CCDC148: variants seen among roughly 807,000 people sequenced by gnomAD.
CCDC148 encodes the protein coiled-coil domain-containing protein 148.
In CCDC148, 89 loss-of-function variants were observed where a neutral mutation model predicts 85.7. The observed-to-expected ratio is 1.04, with a 90% confidence interval of 0.87 to 1.24. The LOEUF is 1.24. Ranked by LOEUF, CCDC148 falls within the 50% of genes most tolerant of loss-of-function variation. The pLI, the probability that CCDC148 is intolerant of heterozygous loss-of-function variation, is 0.00. For synonymous variants in CCDC148, 230 were observed against 213.9 expected, an observed-to-expected ratio of 1.08 and a Z score of -0.66; for missense variants, 692 against 671.7, an observed-to-expected ratio of 1.03 and a Z score of -0.33.
At chr2:158,388,636 T>A (rs113304314) in intron 1 of CCDC148, among the ~76,000 whole-genome samples, 5 of 151,888 alleles carry the variant, frequency 3.3e-5, no homozygotes, top group Admixed American at 2.0e-4. Flanking sequence ...CTGGGACTAC[T>A]GGTGCCCGCC....
intron 1 of CCDC148, among the ~76,000 whole-genome samples, chr2:158,436,066 A>G (rs138556191): frequency 0.075 from 11,348 of 152,266 alleles, 570 homozygotes; most frequent in Middle Eastern, 0.11. Flanking sequence ...CAGACAGATC[A>G]ATGAGACAGA....
intron 3 of CCDC148, among the ~76,000 whole-genome samples, chr2:158,342,826 G>A (rs530451186): frequency 1.3e-5 from 2 of 152,252 alleles, no homozygotes; most frequent in East Asian, 1.9e-4. Context: ...AGAATGAAAC[G>A]AGGGAGAAAG....
chr2:158,270,492 T>C (rs1044351639), intron 9 of CCDC148, among the ~76,000 whole-genome samples: 2 of 152,192 alleles, frequency 1.3e-5, no homozygotes, highest in African/African-American at 4.8e-5. Flanking sequence ...ATTAAAGCTA[T>C]ACTCAAGTGA....
intron 2 of CCDC148, among the ~76,000 whole-genome samples, chr2:158,353,486 T>C (rs547912119): frequency 6.6e-6 from 1 of 151,146 alleles, no homozygotes; most frequent in East Asian, 1.9e-4. Context: ...AAGAAGGCCA[T>C]TACATAATGG....
intron 9 of CCDC148, among the ~76,000 whole-genome samples, chr2:158,265,599 A>G (rs1278572458): frequency 1.3e-5 from 2 of 152,176 alleles, no homozygotes; most frequent in Non-Finnish European, 2.9e-5. Context: ...GTCGGAATCA[A>G]TAACACCAAT....
chr2:158,339,909 G>A (rs1682588800), intron 5 of CCDC148, among the ~76,000 whole-genome samples: 1 of 152,158 alleles, frequency 6.6e-6, no homozygotes, highest in South Asian at 2.1e-4. Flanking sequence ...ACTCACAGGA[G>A]CCCCTAGGGA....
chr2:158,367,761 G>A (rs1684265786), intron 1 of CCDC148, among the ~76,000 whole-genome samples: 1 of 152,092 alleles, frequency 6.6e-6, no homozygotes, highest in Non-Finnish European at 1.5e-5. Flanking sequence ...TTCCTGACCT[G>A]CATACTTTAA....
intron 1 of CCDC148, 57 bp from the exon 2 acceptor site, chr2:158,358,627 CA>C (rs1683783221): frequency 1.6e-6 from 2 of 1,272,436 alleles, no homozygotes; most frequent in Non-Finnish European, 2.1e-6. Flanking sequence ...TATTGGAAGT[CA>C]AAATATAATT....
intron 11 of CCDC148, among the ~76,000 whole-genome samples, chr2:158,195,445 A>G (rs78075650): frequency 2.0e-3 from 304 of 152,112 alleles, no homozygotes; most frequent in Non-Finnish European, 2.3e-3. Context: ...TTTACCCCCA[A>G]GTAATTTTGT....
intron 1 of CCDC148, chr2:158,425,303 C>G (rs2105327505): frequency 1.9e-6 from 1 of 533,514 alleles, no homozygotes. Flanking sequence ...ACCAGCCATA[C>G]TAAAGGAGGA....
chr2:158,407,342 G>A (rs1201255506), intron 1 of CCDC148, among the ~76,000 whole-genome samples: 1 of 151,940 alleles, frequency 6.6e-6, no homozygotes, highest in Non-Finnish European at 1.5e-5. Context: ...CTTCCCCCAG[G>A]CATCTTCCTT....
chr2:158,371,096 A>G (rs143790722), intron 1 of CCDC148, among the ~76,000 whole-genome samples: 1 of 152,078 alleles, frequency 6.6e-6, no homozygotes, highest in Admixed American at 6.6e-5. Flanking sequence ...CTATTTTACT[A>G]TATTCTGGGA....
intron 9 of CCDC148, among the ~76,000 whole-genome samples, chr2:158,252,296 C>T (rs887330576): frequency 3.3e-5 from 5 of 151,682 alleles, no homozygotes; most frequent in African/African-American, 1.2e-4. Flanking sequence ...GAAATTTCTA[C>T]TCCCGTTTTT....
chr2:158,306,961 G>T (rs913316996), intron 9 of CCDC148, among the ~76,000 whole-genome samples: 2 of 150,366 alleles, frequency 1.3e-5, no homozygotes, highest in African/African-American at 4.9e-5. Context: ...GCAGCTTGCA[G>T]TGAGCTGAGA....
Position 158,217,336 on chromosome 2 carries a change from G to GTGTGTATATA in CCDC148, c.1370+3258_1370+3259insTATATACACA, listed in dbSNP as rs59724353. Among the ~76,000 whole-genome samples, 45 of 137,684 alleles carry GTGTGTATATA rather than the reference G, an allele frequency of 3.3e-4. No individual in the cohort carries two copies. The East Asian group carries it at 8.4e-3, about 26-fold the overall frequency. 90.3% of individuals were successfully genotyped at this position (137,684 alleles called of 152,430 possible). On this transcript the variant is annotated intron_variant, in intron 11 of 13. Transcript: ENST00000283233. ...TATATATATATATATATAATTTTGTGTATATATATATATATATATAAAATT... is the reference window on the plus strand; with the variant it reads ...TATATATATATATATATAATTTTGTGTGTGTATATATATATATATATATATATATAAAATT...
At chr2:158,403,637 T>C (rs574382215) in intron 1 of CCDC148, among the ~76,000 whole-genome samples, 18 of 151,994 alleles carry the variant, frequency 1.2e-4, no homozygotes, top group Middle Eastern at 3.4e-3. Context: ...TGGCATTTAG[T>C]ACAAAATTTA....
intron 11 of CCDC148, among the ~76,000 whole-genome samples, chr2:158,202,933 C>G (rs1438680236): frequency 6.6e-6 from 1 of 152,168 alleles, no homozygotes; most frequent in Non-Finnish European, 1.5e-5. Context: ...GAAAGGGGCT[C>G]TCTTAGATGG....
chr2:158,369,996 T>G (rs1272779133), intron 1 of CCDC148, among the ~76,000 whole-genome samples: 2 of 152,068 alleles, frequency 1.3e-5, no homozygotes. Context: ...AACCAGCCTT[T>G]CATCCTGGGG....
chr2:158,343,802 G>C (rs1264914964), intron 3 of CCDC148, among the ~76,000 whole-genome samples: 1 of 152,154 alleles, frequency 6.6e-6, no homozygotes, highest in Admixed American at 6.5e-5. Context: ...ATTGCAATTA[G>C]CCTGCATTCT....
Sources: gnomAD v4.1 joint callset for allele counts (sites outside exome capture counted in the v4.1 genomes callset) on GRCh38, gnomAD v4.1.1 for gene constraint, MANE v1.5 for transcripts, NCBI Gene and HGNC (gene_info 2026-07-23, HGNC 2026-07-21) for gene names.